Variants in BIN2 observed in about 807,000 individuals in gnomAD.
BIN2 encodes breast cancer associated protein BRAP1.
BIN2 carries 43 observed loss-of-function variants against 67.9 expected under a neutral mutation model. That is an observed-to-expected ratio of 0.63 (90% confidence interval 0.50 to 0.82). The LOEUF is 0.82. BIN2 is among the 40% of genes least tolerant of loss of function. The pLI is 0.00. For missense variants in BIN2, 581 were observed against 671.6 expected, an observed-to-expected ratio of 0.87 and a Z score of 1.49; for synonymous variants, 244 against 246.8, an observed-to-expected ratio of 0.99 and a Z score of 0.11.
chr12:51,293,454 C>G (rs560173485), intron 9 of BIN2, among the ~76,000 whole-genome samples: 1 of 152,108 alleles, frequency 6.6e-6, no homozygotes, highest in South Asian at 2.1e-4. Context: ...GGACTACAGG[C>G]GCCCGCCACC....
chr12:51,291,824 G>C lies in BIN2; in HGVS notation c.1282C>G (p.Pro428Ala), dbSNP rs778683696. 6 of 1,614,056 alleles carry C rather than the reference G, an allele frequency of 3.7e-6. No homozygotes were observed. The highest frequency in any genetic ancestry group is 5.1e-6 in the Non-Finnish European group (6 of 1,179,998). The change falls in exon 10 of 13, where the codon CCC becomes GCC. Residue 428 changes from proline (P) to alanine (A), a missense_variant. By Grantham distance (27) the Pro-to-Ala change is conservative. Transcript: ENST00000615107. ...PPPRATASPRPSSGNIPSSPT... is the reference protein window; with the variant it reads ...PPPRATASPRASSGNIPSSPT... ...CTGGAAGGTATGTTCCCTGAGGAGG[G>C]CCTGGGGCTTGCAGTGGCTCTGGGT...
At chr12:51,306,793 T>G (rs548257567) in intron 2 of BIN2, among the ~76,000 whole-genome samples, 17 of 152,272 alleles carry the variant, frequency 1.1e-4, no homozygotes, top group African/African-American at 3.4e-4. Flanking sequence ...TCAGAAACAC[T>G]CAGCATCTAC....
intron 2 of BIN2, 74 bp from the exon 3 acceptor site, chr12:51,303,215 AAGT>A: frequency 6.9e-7 from 1 of 1,444,530 alleles, no homozygotes; most frequent in Non-Finnish European, 9.7e-7. Flanking sequence ...CAAAGTCAAA[AAGT>A]AGGTTAAGAG....
At position 51,291,634 on chromosome 12, in the gene BIN2, T is replaced by C; in HGVS notation, c.1472A>G (p.Asn491Ser). 1 of 1,612,792 alleles carries C rather than the reference T, an allele frequency of 6.2e-7. No homozygotes were observed. Among genetic ancestry groups the C allele is most frequent in the Non-Finnish European group, 8.5e-7 (1 of 1,179,588 alleles). The change falls in exon 10 of 13, where the codon AAC becomes AGC. Residue 491 changes from asparagine (N) to serine (S), a missense_variant. Coordinates refer to ENST00000615107, the MANE Select transcript of BIN2 (RefSeq NM_016293.4). ...AKENENIHNQ[N>S]PEELCTSPTL... ...GGGGGAAGTACAAAGTTCTTCAGGG[T>C]TCTGATTGTGGATGTTTTCATTTTC...
chr12:51,295,502 G>T (rs1052320599), intron 9 of BIN2, among the ~76,000 whole-genome samples: 4 of 146,244 alleles, frequency 2.7e-5, no homozygotes, highest in African/African-American at 1.0e-4. Flanking sequence ...GGCGGAGCTT[G>T]CAGTGAGCCT....
chr12:51,319,280 G>T (rs188289920), intron 1 of BIN2, among the ~76,000 whole-genome samples: 2 of 152,132 alleles, frequency 1.3e-5, no homozygotes, highest in East Asian at 3.9e-4. Context: ...GGGTTGGGGG[G>T]TACTGAGAGA....
At chr12:51,306,104 G>A (rs574350799) in intron 2 of BIN2, among the ~76,000 whole-genome samples, 21 of 152,016 alleles carry the variant, frequency 1.4e-4, no homozygotes, top group African/African-American at 4.6e-4. Context: ...CCAAAGTGCT[G>A]GGATTACAGG....
Position 51,295,804 on chromosome 12 carries a change from T to C in BIN2, c.753A>G (p.Gly251=), listed in dbSNP as rs908069307. The C allele has an allele frequency of 1.4e-5, 22 of 1,612,778 alleles. No individual in the cohort carries two copies. The highest frequency in any genetic ancestry group is 1.6e-5 in the Non-Finnish European group (19 of 1,179,618). ...TCTTGGATGCTGCTCACCTTGACAG[T>C]CCCTTCACCACAAAGACTTTATTGG... is the stretch of plus-strand genomic sequence containing the variant. ...QHSNKVFVVK[G]LSSSSRRSLV... Residue 251 remains glycine, a synonymous_variant, in exon 9 of 13, where the codon GGA becomes GGG. Transcript: ENST00000615107.
intron 1 of BIN2, among the ~76,000 whole-genome samples, chr12:51,320,786 T>A (rs4445685): frequency 0.32 from 49,134 of 151,624 alleles, 8,447 homozygotes; most frequent in African/African-American, 0.44. Flanking sequence ...GGATTTAAGC[T>A]GAGTAGATGT....
At chr12:51,281,585 T>C in intron 12 of BIN2, 57 bp from the exon 13 acceptor site, 8 of 1,580,818 alleles carry the variant, frequency 5.1e-6, no homozygotes, top group South Asian at 1.1e-5. Flanking sequence ...CAACCACTTA[T>C]GGAGGGGTTA....
chr12:51,285,004 A>G (rs1945202147), intron 11 of BIN2, among the ~76,000 whole-genome samples: 1 of 152,198 alleles, frequency 6.6e-6, no homozygotes, highest in Non-Finnish European at 1.5e-5. Flanking sequence ...CAAAGGGTAA[A>G]AAGACTTGCT....
chr12:51,293,957 C>T (rs58848385), intron 9 of BIN2, among the ~76,000 whole-genome samples: 264 of 152,236 alleles, frequency 1.7e-3, no homozygotes, highest in African/African-American at 6.2e-3. Flanking sequence ...CCATGACAGA[C>T]CTTATGACTC....
At chr12:51,323,658 T>C (rs1946349071) in intron 1 of BIN2, among the ~76,000 whole-genome samples, 1 of 152,198 alleles carries the variant, frequency 6.6e-6, no homozygotes, top group Non-Finnish European at 1.5e-5. Context: ...ATCTGTAAAA[T>C]ACCAATTTTG....
intron 9 of BIN2, among the ~76,000 whole-genome samples, chr12:51,295,580 ATATATATATAT>A (rs1565676126): frequency 0.021 from 841 of 39,400 alleles, 76 homozygotes; most frequent in African/African-American, 0.031. Flanking sequence ...AAAAAAAAAT[ATATATATATAT>A]ATATATATAT....
At chr12:51,291,518 G>A (rs1449944550) in intron 10 of BIN2, 73 bp downstream of exon 10, 1 of 1,420,564 alleles carries the variant, frequency 7.0e-7, no homozygotes, top group Admixed American at 2.3e-5. Flanking sequence ...ACTCCAGCCT[G>A]GACGCCTGAG....
intron 1 of BIN2, among the ~76,000 whole-genome samples, chr12:51,315,874 C>T (rs1257244354): frequency 2.0e-5 from 3 of 152,158 alleles, no homozygotes; most frequent in African/African-American, 7.2e-5. Flanking sequence ...ATAGGACCCT[C>T]ACTTATAAAC....
At chr12:51,287,894 G>A (rs1378263206) in intron 11 of BIN2, among the ~76,000 whole-genome samples, 2 of 151,646 alleles carry the variant, frequency 1.3e-5, no homozygotes, top group East Asian at 1.9e-4. Context: ...CTGGGAATCC[G>A]CCCGCCTCTG....
chr12:51,310,724 G>C (rs1166544261), intron 2 of BIN2, among the ~76,000 whole-genome samples: 1 of 152,130 alleles, frequency 6.6e-6, no homozygotes, highest in African/African-American at 2.4e-5. Context: ...TTGTAGTTTA[G>C]GAAGATGTAA....
chr12:51,321,844 G>C (rs555180797), intron 1 of BIN2, among the ~76,000 whole-genome samples: 9 of 152,304 alleles, frequency 5.9e-5, no homozygotes, highest in African/African-American at 1.7e-4. Context: ...GTGTTGCAAG[G>C]AATTCTTTCA....
Sources: gnomAD v4.1 joint callset for allele counts (sites outside exome capture counted in the v4.1 genomes callset) on GRCh38, gnomAD v4.1.1 for gene constraint, MANE v1.5 for transcripts, NCBI Gene and HGNC (gene_info 2026-07-23, HGNC 2026-07-21) for gene names.